Variants in NRAS observed in about 807,000 individuals in gnomAD.
NRAS encodes NRAS proto-oncogene, GTPase, also known as GTPase NRas.
A neutral mutation model predicts 21.3 loss-of-function variants in NRAS; 6 were observed. That is an observed-to-expected ratio of 0.28 (90% CI 0.15 to 0.56). The LOEUF is 0.56. Among genes scored for constraint, NRAS ranks in the 20% least tolerant of loss-of-function variants. The pLI is 0.93. For missense variants in NRAS, 143 were observed against 231.3 expected (o/e 0.62, Z 2.48); for synonymous variants, 84 against 82.0 (o/e 1.02, Z -0.13).
At chr1:114,708,903 G>C (rs1240917403) in intron 4 of NRAS, among the ~76,000 whole-genome samples, 1 of 152,214 alleles carries the variant, frequency 6.6e-6, no homozygotes, top group African/African-American at 2.4e-5. Context: ...CAAAGGAAAA[G>C]GGTAATGTGA....
chr1:114,715,441 A>G (rs933920691), intron 2 of NRAS, among the ~76,000 whole-genome samples: 6 of 152,228 alleles, frequency 3.9e-5, no homozygotes, highest in African/African-American at 1.4e-4. Context: ...CCATTCATAA[A>G]TAACTTAAAT....
chr1:114,709,455 AAAT>A, intron 4 of NRAS, 111 bp downstream of exon 4: 2 of 929,760 alleles, frequency 2.2e-6, no homozygotes, highest in Non-Finnish European at 3.3e-6. Context: ...AAAAATAAAA[AAAT>A]AAAAATGAAA....
chr1:114,708,766 C>CTA, intron 4 of NRAS, 112 bp from the exon 5 acceptor site: 1 of 915,310 alleles, frequency 1.1e-6, no homozygotes, highest in Non-Finnish European at 1.7e-6. Context: ...ATTCCAATTA[C>CTA]TAAACGAATA....
rs1218355345 is a variant in NRAS at position 114,710,196 on chromosome 1, A to AC, written c.291-469dup. Among the ~76,000 whole-genome samples the AC allele has an allele frequency of 6.9e-3, 743 of 108,054 alleles. 9 individuals are homozygous for AC. The highest frequency in any genetic ancestry group is 0.01 in the Non-Finnish European group (561 of 54,754). 70.9% of individuals were successfully genotyped at this position (108,054 alleles called of 152,430 possible). On this transcript the variant is annotated intron_variant, in intron 3 of 6. Coordinates refer to ENST00000369535, the MANE Select transcript of NRAS (RefSeq NM_002524.5). ...ACAGAGTGAGACTCCATCCCCCCCA[A>AC]CCCCCCCCAAAAAATATATATAAAA...
chr1:114,708,209 G>C lies in NRAS; in HGVS notation c.*5-17C>G, dbSNP rs964707222. On this transcript the variant is annotated splice_polypyrimidine_tract_variant and intron_variant, in intron 5 of 6. Transcript: ENST00000369535. ...TAAAAGTATCTGTAAAAAAAGAACA[G>C]AAACCATGTCCTTATTAACTAGTTT... 6.8e-6 allele frequency: 2 copies of C among 292,442 alleles called. No individual in the cohort carries two copies. The highest frequency in any genetic ancestry group is 2.2e-5 in the African/African-American group (1 of 46,000). 18.1% of individuals were successfully genotyped at this position (292,442 alleles called of 1,614,324 possible).
chr1:114,715,639 A>G (rs1016473986), intron 2 of NRAS, among the ~76,000 whole-genome samples: 4 of 152,142 alleles, frequency 2.6e-5, no homozygotes, highest in Non-Finnish European at 5.9e-5. Context: ...TACTCCAATC[A>G]TCTGGTCTCA....
chr1:114,712,767 A>C (rs1659074413), intron 3 of NRAS, among the ~76,000 whole-genome samples: 1 of 152,190 alleles, frequency 6.6e-6, no homozygotes, highest in South Asian at 2.1e-4. Flanking sequence ...ATTTATTAAA[A>C]CTGTAATCTT....
chr1:114,713,681 TA>T, intron 3 of NRAS, 118 bp downstream of exon 3: 1 of 871,348 alleles, frequency 1.1e-6, no homozygotes, highest in South Asian at 1.4e-5. Flanking sequence ...TCAAACAACC[TA>T]AAACCAACTC....
rs2101739006 is a variant in NRAS, at chr1:114,709,726, T to A, written c.293A>T (p.Glu98Val). The change falls in exon 4 of 7, where the codon GAG becomes GTG. Residue 98 changes from glutamate to valine, a missense_variant and splice_region_variant. Glu to Val is a moderately radical substitution (Grantham distance 121). Coordinates refer to ENST00000369535, the MANE Select transcript of NRAS (RefSeq NM_002524.5). ...CGAGTCTTTTACTCGCTTAATCTGC[T>A]CCCTAAAAACGGGAATATATTATCA... ...KSFADINLYR[E>V]QIKRVKDSDD... The A allele has an allele frequency of 6.2e-7, 1 of 1,612,252 alleles. No homozygotes were observed. The highest frequency in any genetic ancestry group is 8.5e-7 in the Non-Finnish European group (1 of 1,178,398).
intron 5 of NRAS, 69 bp from the exon 6 acceptor site, chr1:114,708,261 G>T: frequency 2.3e-6 from 1 of 437,416 alleles, no homozygotes. Flanking sequence ...CAAATTCCTG[G>T]TCATTGCCAG....
In NRAS at chr1:114,706,242, A is replaced by G. The variant is rs921632664; in HGVS notation, c.*1852T>C. The stretch of plus-strand genomic sequence containing the variant: ...ACATTTGCTTAATAAATGAAAATTC[A>G]TAATATAGAAGATGGAGGACCTCAG... On this transcript the variant is annotated 3_prime_UTR_variant, in exon 7 of 7. Coordinates refer to ENST00000369535, the MANE Select transcript of NRAS (RefSeq NM_002524.5). The G allele has an allele frequency of 1.3e-5, 2 of 152,256 alleles. No individual in the cohort carries two copies. The highest frequency in any genetic ancestry group is 4.8e-5 in the African/African-American group (2 of 41,464). The allele number at this position is 152,256 out of a possible 1,614,324, so 9.4% of individuals were successfully genotyped here. A position where few individuals can be genotyped will look rare whatever the true frequency, so the allele number is the denominator to read the frequency against.
Position 114,709,698 on chromosome 1 carries a change from A to G in NRAS, c.321T>C (p.Asp107=), listed in dbSNP as rs2101738937. 6.2e-7 allele frequency: 1 copy of G among 1,613,828 alleles called. No homozygotes were observed. Residue 107 remains aspartate (D), a synonymous_variant, in exon 4 of 7, where the codon GAT becomes GAC. Coordinates refer to ENST00000369535, the MANE Select transcript of NRAS (RefSeq NM_002524.5). ...TTCCCACTAGCACCATAGGTACATC[A>G]TCCGAGTCTTTTACTCGCTTAATCT... ...REQIKRVKDS[D]DVPMVLVGNK...
At position 114,707,639 on chromosome 1, in the gene NRAS, A is replaced by T. The variant is rs943453006; in HGVS notation, c.*455T>A. 3.3e-5 allele frequency: 5 copies of T among 152,650 alleles called. No homozygotes were observed. The highest frequency in any genetic ancestry group is 1.2e-4 in the African/African-American group (5 of 41,452). 9.5% of individuals were successfully genotyped at this position (152,650 alleles called of 1,614,324 possible). On this transcript the variant is annotated 3_prime_UTR_variant, in exon 7 of 7. Transcript: ENST00000369535. The stretch of plus-strand genomic sequence containing the variant: ...ATTCTTGGCAAAACAGTAATTTATG[A>T]CATTTCTCCAAAAATTAGCATAGTT...
rs897527298 is a variant in NRAS, at chr1:114,707,564, A to G, written c.*530T>C. ...GAATCTAGAGCAGATGCCAGTTTAG[A>G]GAATAGAGCCGATAACATTATAAAC... On this transcript the variant is annotated 3_prime_UTR_variant, in exon 7 of 7. Coordinates refer to ENST00000369535, the MANE Select transcript of NRAS (RefSeq NM_002524.5). The G allele has an allele frequency of 1.3e-5, 2 of 152,646 alleles. No homozygotes were observed. Among genetic ancestry groups the G allele is most frequent in the Non-Finnish European group, 2.9e-5 (2 of 68,048 alleles). The allele number at this position is 152,646 out of a possible 1,614,324, so 9.5% of individuals were successfully genotyped here. A position where few individuals can be genotyped will look rare whatever the true frequency, so the allele number is the denominator to read the frequency against.
rs1170710923 is a variant in NRAS, at chr1:114,704,803, A to G, written c.*3291T>C. The G allele has an allele frequency of 2.6e-5, 4 of 152,362 alleles. No individual in the cohort carries two copies. The East Asian group carries it at 7.7e-4, about 29-fold the overall frequency. 9.4% of individuals were successfully genotyped at this position (152,362 alleles called of 1,614,324 possible). A position where few individuals can be genotyped will look rare whatever the true frequency, so the allele number is the denominator to read the frequency against. On this transcript the variant is annotated 3_prime_UTR_variant, in exon 7 of 7. Transcript: ENST00000369535. ...AAAATCATCTTACGTTTTGAAATAT[A>G]ATACAACTACTCTGGTAACAAGAAT...
intron 5 of NRAS, 40 bp downstream of exon 5, chr1:114,708,491 T>C (rs772428872): frequency 1.9e-6 from 3 of 1,601,460 alleles, no homozygotes; most frequent in South Asian, 1.1e-5. Flanking sequence ...CAATACTATA[T>C]ACTAAGATTT....
rs1385848865 is a variant in NRAS, at chr1:114,706,775, T to C, written c.*1319A>G. ...CAATGAGCAAATGCAGAAGAATTTC[T>C]TTCTCTGTGATGCTAACTGGATTGT... On this transcript the variant is annotated 3_prime_UTR_variant, in exon 7 of 7. Coordinates refer to ENST00000369535, the MANE Select transcript of NRAS (RefSeq NM_002524.5). The C allele has an allele frequency of 6.6e-6, 1 of 152,230 alleles. No homozygotes were observed. The highest frequency in any genetic ancestry group is 1.5e-5 in the Non-Finnish European group (1 of 68,040). 9.4% of individuals were successfully genotyped at this position (152,230 alleles called of 1,614,324 possible).
At chr1:114,708,505 A>G (rs776696986) in intron 5 of NRAS, 26 bp downstream of exon 5, 35 of 1,611,196 alleles carry the variant, frequency 2.2e-5, no homozygotes, top group Non-Finnish European at 2.8e-5. Flanking sequence ...AAGATTTGTA[A>G]TTATGCCAAG....
At chr1:114,713,773 T>C (rs1557982762) in intron 3 of NRAS, 27 bp downstream of exon 3, 1 of 1,586,248 alleles carries the variant, frequency 6.3e-7, no homozygotes, top group African/African-American at 1.3e-5. Context: ...AAGATCATCC[T>C]TTCAGAGAAA....
Sources: allele counts gnomAD v4.1 joint callset (sites outside exome capture counted in the v4.1 genomes callset), GRCh38; gene constraint gnomAD v4.1.1; transcripts MANE v1.5; gene names NCBI Gene and HGNC (gene_info 2026-07-23, HGNC 2026-07-21).